The following RUFY4 variants were observed in gnomAD, a reference collection of about 807,000 sequenced individuals.
The protein encoded by RUFY4 is RUN and FYVE domain containing 4.
Under a neutral mutation model 69.0 loss-of-function variants are expected in RUFY4, and 73 were observed. That is an observed-to-expected ratio of 1.06 (90% CI 0.88 to 1.29). The LOEUF is 1.29. Ranked by LOEUF, RUFY4 falls within the 50% of genes most tolerant of loss-of-function variation. The probability of loss-of-function intolerance (pLI) is 0.00; values close to 1 mark genes in which losing one functional copy is unlikely to be tolerated. For missense variants in RUFY4, 770 were observed against 705.6 expected (o/e 1.09, Z -1.03); for synonymous variants, 287 against 271.8 (o/e 1.06, Z -0.55).
Position 218,079,501 on chromosome 2 carries a change from C to T in RUFY4, c.1355+2968C>T, listed in dbSNP as rs149980055. ...AAAGTTCAGAGCTTGGTTTTGAACA[C>T]GTTACGTTTGAGATACCTGTTAGAC... On this transcript the variant is annotated intron_variant, in intron 8 of 10. Coordinates refer to ENST00000344321, the Ensembl canonical transcript of RUFY4. 3.0e-3 allele frequency among the ~76,000 whole-genome samples: 457 copies of T among 152,212 alleles called. 1 individual carries two copies. Among genetic ancestry groups the T allele is most frequent in the Non-Finnish European group, 4.8e-3 (328 of 68,008 alleles).
rs149366931 is a variant in RUFY4, at chr2:218,057,470, T to G, written c.-1157-1125T>G. Among the ~76,000 whole-genome samples the G allele has an allele frequency of 7.0e-3, 1,059 of 152,370 alleles. 11 individuals carry two copies. Among genetic ancestry groups the G allele is most frequent in the African/African-American group, 0.024 (995 of 41,584 alleles). ...TCCTCCTTCATTCCACATTATTTCT[T>G]GAAGAACTTTCTGTGTCCGCTCATA... On this transcript the variant is annotated intron_variant and NMD_transcript_variant, in intron 2 of 13. Transcript: ENST00000457754.
At chr2:218,054,152 T>C (rs1425524795) in intron 2 of RUFY4, among the ~76,000 whole-genome samples, 1 of 152,226 alleles carries the variant, frequency 6.6e-6, no homozygotes, top group Non-Finnish European at 1.5e-5. Context: ...AGCATGGCTA[T>C]TCTAAGTTTT....
At position 218,089,910 on chromosome 2, in the gene RUFY4, G is replaced by A. The variant is rs760214130; in HGVS notation, c.1614-42G>A. 19 of 1,432,600 alleles carry A rather than the reference G, an allele frequency of 1.3e-5. No homozygotes were observed. In the Admixed American group the frequency reaches 1.8e-4, roughly 13 times the overall value. 88.7% of individuals were successfully genotyped at this position (1,432,600 alleles called of 1,614,324 possible). A position where few individuals can be genotyped will look rare whatever the true frequency, so the allele number is the denominator to read the frequency against. On this transcript the variant is annotated intron_variant, in intron 10 of 10. Coordinates refer to ENST00000344321, the Ensembl canonical transcript of RUFY4. Reference sequence around the variant, plus strand: ...TCAGCGCCCACTTGGGGAAGTGCCAGCTGCAGAGGCCGCCCCAGGCTTTCC... The same window carrying A: ...TCAGCGCCCACTTGGGGAAGTGCCAACTGCAGAGGCCGCCCCAGGCTTTCC...
chr2:218,072,861 G>T (rs1236735859), exon 4 of RUFY4: 2 of 1,535,394 alleles, frequency 1.3e-6, no homozygotes, highest in Non-Finnish European at 1.7e-6. Flanking sequence ...CTGCAGCTTT[G>T]CCTCCTGAAC....
intron 3 of RUFY4, chr2:218,059,542 C>G (rs1400202434): frequency 3.0e-5 from 5 of 166,924 alleles, no homozygotes; most frequent in Non-Finnish European, 5.9e-5. Flanking sequence ...TTATGTCTGG[C>G]TTATTTCACT....
intron 5 of RUFY4, 50 bp from the exon 8 acceptor site, chr2:218,073,766 G>A: frequency 6.2e-7 from 1 of 1,604,664 alleles, no homozygotes; most frequent in Non-Finnish European, 8.5e-7. Context: ...TGAGGACCAA[G>A]CCCAACACTG....
At chr2:218,078,513 G>A (rs1689687066) in intron 8 of RUFY4, among the ~76,000 whole-genome samples, 1 of 152,204 alleles carries the variant, frequency 6.6e-6, no homozygotes, top group Non-Finnish European at 1.5e-5. Flanking sequence ...CAAGGAGGCA[G>A]GTTAGGGAGA....
At chr2:218,085,457 A>T (rs1196291883) in intron 9 of RUFY4, among the ~76,000 whole-genome samples, 2 of 152,200 alleles carry the variant, frequency 1.3e-5, no homozygotes, top group Admixed American at 1.3e-4. Flanking sequence ...ATTTCTCTAA[A>T]ATGACTATAA....
exon 7 of RUFY4, chr2:218,075,154 C>G (rs373577701): frequency 1.0e-4 from 163 of 1,554,928 alleles, no homozygotes; most frequent in Non-Finnish European, 1.4e-4. Flanking sequence ...ACCAGTCAAG[C>G]CATCTGTCTG....
intron 2 of RUFY4, among the ~76,000 whole-genome samples, chr2:218,046,439 G>A (rs959288965): frequency 2.0e-5 from 3 of 151,792 alleles, no homozygotes; most frequent in Non-Finnish European, 4.4e-5. Context: ...CCACATACGC[G>A]TGAGACAGTG....
At chr2:218,046,170 C>G (rs1688824148) in intron 2 of RUFY4, among the ~76,000 whole-genome samples, 1 of 151,892 alleles carries the variant, frequency 6.6e-6, no homozygotes, top group Non-Finnish European at 1.5e-5. Flanking sequence ...CATCCATCAT[C>G]TCAAGTATTT....
chr2:218,075,480 G>A (rs760877354), exon 7 of RUFY4: 2 of 1,597,402 alleles, frequency 1.3e-6, no homozygotes, highest in East Asian at 2.2e-5. Context: ...GAGAACAACA[G>A]AGGGGACTCA....
intron 2 of RUFY4, among the ~76,000 whole-genome samples, chr2:218,043,316 G>A (rs1161994425): frequency 6.6e-6 from 1 of 152,110 alleles, no homozygotes; most frequent in Non-Finnish European, 1.5e-5. Flanking sequence ...CCCTGAAGAG[G>A]ATAGCTCCTC....
intron 2 of RUFY4, among the ~76,000 whole-genome samples, chr2:218,038,624 C>T (rs1000699678): frequency 6.6e-6 from 1 of 152,070 alleles, no homozygotes; most frequent in Non-Finnish European, 1.5e-5. Flanking sequence ...TGAAGAGTGC[C>T]CTCAGCGGCT....
At chr2:218,035,318 A>T (rs1312788057) in exon 2 of RUFY4, 3 of 151,950 alleles carry the variant, frequency 2.0e-5, no homozygotes, top group Admixed American at 1.3e-4. Flanking sequence ...TTCACACAGG[A>T]TCTGGGCTGG....
intron 3 of RUFY4, chr2:218,059,372 C>T (rs77461256): frequency 0.083 from 13,619 of 165,030 alleles, 800 homozygotes; most frequent in East Asian, 0.25. Flanking sequence ...ATCTTTACAA[C>T]TTTTTCAACA....
intron 3 of RUFY4, among the ~76,000 whole-genome samples, chr2:218,063,696 TGA>T (rs1274273346): frequency 6.6e-6 from 1 of 152,034 alleles, no homozygotes; most frequent in East Asian, 1.9e-4. Flanking sequence ...TGGTAGGTGT[TGA>T]GTCATGGGTG....
chr2:218,038,165 A>G, intron 2 of RUFY4, among the ~76,000 whole-genome samples: 1 of 152,182 alleles, frequency 6.6e-6, no homozygotes, highest in African/African-American at 2.4e-5. Context: ...AAACCTTTCC[A>G]TGAAAGTTAT....
chr2:218,061,292 T>C, intron 3 of RUFY4: 1 of 322,220 alleles, frequency 3.1e-6, no homozygotes, highest in Non-Finnish European at 6.1e-6. Context: ...CTAGGGATTC[T>C]GGCCAACATG....
Sources: gnomAD v4.1 joint callset for allele counts (sites outside exome capture counted in the v4.1 genomes callset) on GRCh38, gnomAD v4.1.1 for gene constraint, MANE v1.5 for transcripts, NCBI Gene and HGNC (gene_info 2026-07-23, HGNC 2026-07-21) for gene names.